Variants in ASXL3 observed in about 807,000 individuals in gnomAD.
ASXL3 encodes the protein putative Polycomb group protein ASXL3.
Under a neutral mutation model 170.6 loss-of-function variants are expected in ASXL3, and 34 were observed. That is an observed-to-expected ratio of 0.20 (90% confidence interval 0.15 to 0.27). The LOEUF is 0.27. Ranked by LOEUF, ASXL3 falls within the 10% of genes least tolerant of loss-of-function variation. The pLI, the probability that ASXL3 is intolerant of heterozygous loss-of-function variation, is 1.00. For synonymous variants in ASXL3, 1,002 were observed against 989.1 expected, an observed-to-expected ratio of 1.01 and a Z score of -0.24; for missense variants, 2,592 against 2,695.3, an observed-to-expected ratio of 0.96 and a Z score of 0.85.
chr18:33,736,168 A>G (rs1025413130), intron 10 of ASXL3, among the ~76,000 whole-genome samples: 8 of 152,122 alleles, frequency 5.3e-5, no homozygotes, highest in Non-Finnish European at 1.2e-4. Flanking sequence ...AATCCTTCTC[A>G]GAAAAATTCA....
intron 2 of ASXL3, chr18:33,614,520 CA>C (rs932595232): frequency 2.6e-5 from 4 of 152,104 alleles, no homozygotes; most frequent in African/African-American, 9.7e-5. Flanking sequence ...CTATTGTGAC[CA>C]ACTCCTGTGA....
At position 33,603,878 on chromosome 18, in the gene ASXL3, A is replaced by G. The variant is rs189763811; in HGVS notation, c.55-3716A>G. On this transcript the variant is annotated intron_variant, in intron 1 of 11. Transcript: ENST00000269197. ...AGAAAGAAAGGACATTTTATGTAAAAATTGAGCACTGTTTCAGAATCTGAT... is the reference window on the plus strand; with the variant it reads ...AGAAAGAAAGGACATTTTATGTAAAGATTGAGCACTGTTTCAGAATCTGAT... Among the ~76,000 whole-genome samples, 7 of 152,226 alleles carry G rather than the reference A, an allele frequency of 4.6e-5. No individual in the cohort carries two copies. The East Asian group carries it at 1.4e-3, about 29-fold the overall frequency.
chr18:33,611,330 A>G (rs981008446), intron 2 of ASXL3, among the ~76,000 whole-genome samples: 3 of 152,056 alleles, frequency 2.0e-5, no homozygotes, highest in African/African-American at 7.2e-5. Flanking sequence ...AAAATAATAG[A>G]ATGATTTTTT....
intron 8 of ASXL3, among the ~76,000 whole-genome samples, chr18:33,728,252 A>T (rs1179258186): frequency 2.0e-5 from 3 of 152,158 alleles, no homozygotes; most frequent in Admixed American, 2.0e-4. Flanking sequence ...TTATAAGACA[A>T]AATCTAAGTC....
Position 33,670,735 on chromosome 18 carries a change from T to C in ASXL3, c.540T>C (p.Pro180=), listed in dbSNP as rs1331632252. 2.6e-6 allele frequency: 4 copies of C among 1,567,598 alleles called. No homozygotes were observed. In the African/African-American group the frequency reaches 5.4e-5, roughly 21 times the overall value. The change falls in exon 6 of 12, where the codon CCT becomes CCC. Residue 180 remains proline (P), a synonymous_variant. Coordinates refer to ENST00000269197, the MANE Select transcript of ASXL3 (RefSeq NM_030632.3). ...CAATGATGGTAAACAAGACTGTTCC[T>C]CGTGTTGTTTTGACACCATTAAAGG... is the stretch of plus-strand genomic sequence containing the variant. ...GVSMMVNKTV[P]RVVLTPLKVS... is the part of the protein sequence containing the mutation.
Position 33,664,007 on chromosome 18 carries a change from A to G in ASXL3, c.477+2270A>G, listed in dbSNP as rs1392260216. Among the ~76,000 whole-genome samples, 4 of 152,274 alleles carry G rather than the reference A, an allele frequency of 2.6e-5. No homozygotes were observed. In the East Asian group the frequency reaches 5.8e-4, roughly 22 times the overall value. ...GTTTCTTGTGTATGTATACATGCAC[A>G]ATCATAATCATATGAACCTAGGGCC... On this transcript the variant is annotated intron_variant, in intron 5 of 11. Coordinates refer to ENST00000269197, the MANE Select transcript of ASXL3 (RefSeq NM_030632.3).
intron 8 of ASXL3, among the ~76,000 whole-genome samples, chr18:33,687,379 A>T (rs2066613749): frequency 6.6e-6 from 1 of 152,192 alleles, no homozygotes; most frequent in South Asian, 2.1e-4. Context: ...TGTGAATTTG[A>T]TTACATAGAT....
Position 33,638,181 on chromosome 18 carries a change from T to A in ASXL3, c.138-6713T>A, listed in dbSNP as rs535610184. Among the ~76,000 whole-genome samples the A allele has an allele frequency of 5.3e-3, 797 of 150,058 alleles. 8 individuals carry two copies. The highest frequency in any genetic ancestry group is 0.018 in the African/African-American group (754 of 41,092). On this transcript the variant is annotated intron_variant, in intron 2 of 11. Transcript: ENST00000269197. ...ACATAGTGTGTGTATATATATATCT[T>A]ATGTGTATATATATCTTATTTATGA...
intron 5 of ASXL3, among the ~76,000 whole-genome samples, 198 bp downstream of exon 5, chr18:33,661,935 T>C (rs1206332429): frequency 1.3e-5 from 2 of 152,040 alleles, no homozygotes; most frequent in East Asian, 3.9e-4. Flanking sequence ...AGAACTTTGA[T>C]GTAAAATAGA....
chr18:33,668,732 A>G (rs561906985), intron 5 of ASXL3, among the ~76,000 whole-genome samples: 19 of 152,256 alleles, frequency 1.2e-4, no homozygotes, highest in Non-Finnish European at 2.4e-4. Flanking sequence ...TTTCTATAGC[A>G]GAGTCCTCTC....
intron 2 of ASXL3, among the ~76,000 whole-genome samples, chr18:33,621,136 TGTTTTAGATCATATA>T (rs1229529519): frequency 1.3e-5 from 2 of 152,198 alleles, no homozygotes; most frequent in Non-Finnish European, 2.9e-5. Context: ...CTGGTAAGGA[TGTTTTAGATCATATA>T]GTTTTAGACT....
chr18:33,731,909 AT>A, intron 8 of ASXL3, 58 bp from the exon 9 acceptor site: 1 of 1,441,658 alleles, frequency 6.9e-7, no homozygotes, highest in South Asian at 1.2e-5. Flanking sequence ...TCTTTCCTGC[AT>A]ACTTTTGCTT....
chr18:33,581,255 A>G (rs766549350), intron 1 of ASXL3, among the ~76,000 whole-genome samples: 8 of 152,092 alleles, frequency 5.3e-5, no homozygotes, highest in Non-Finnish European at 1.0e-4. Flanking sequence ...GCTTCTGATG[A>G]TTTTGCTGTT....
intron 8 of ASXL3, among the ~76,000 whole-genome samples, chr18:33,719,637 TAGTG>T (rs936646459): frequency 1.8e-4 from 27 of 152,048 alleles, no homozygotes; most frequent in Non-Finnish European, 2.1e-4. Flanking sequence ...CTAACTCCCA[TAGTG>T]ATGTTACTAG....
intron 4 of ASXL3, among the ~76,000 whole-genome samples, chr18:33,656,853 A>G (rs1173912691): frequency 1.3e-5 from 2 of 152,156 alleles, no homozygotes; most frequent in African/African-American, 4.8e-5. Flanking sequence ...TTCATAAAAA[A>G]TAGCTTTGCT....
At position 33,706,729 on chromosome 18, in the gene ASXL3, G is replaced by A. The variant is rs369009627; in HGVS notation, c.879+23161G>A. Among the ~76,000 whole-genome samples, 490 of 151,704 alleles carry A rather than the reference G, an allele frequency of 3.2e-3. 4 individuals carry two copies. The highest frequency in any genetic ancestry group is 0.011 in the African/African-American group (455 of 41,478). On this transcript the variant is annotated intron_variant, in intron 8 of 11. Transcript: ENST00000269197. ...CAGATCTTATAAATTCAGAGTATAA[G>A]TCCTTTGTCAAATATATTGTTGGTA... is the stretch of plus-strand genomic sequence containing the variant.
chr18:33,635,952 G>T (rs2145181977), intron 2 of ASXL3, among the ~76,000 whole-genome samples: 2 of 152,310 alleles, frequency 1.3e-5, no homozygotes, highest in South Asian at 4.1e-4. Flanking sequence ...AAATAAATAT[G>T]TCTATCTCCT....
At chr18:33,635,749 C>T (rs1236661835) in intron 2 of ASXL3, among the ~76,000 whole-genome samples, 4 of 152,196 alleles carry the variant, frequency 2.6e-5, no homozygotes, top group African/African-American at 9.7e-5. Flanking sequence ...AAGATGGCCA[C>T]TGCAGCCTTT....
At position 33,751,004 on chromosome 18, in the gene ASXL3, CTGTT is replaced by C. The variant is rs1396167719; in HGVS notation, c.*4415_*4418del. ...AGGGATCATGCATTCTTTAATGGTG[CTGTT>C]TGTTTTTTATTTCTTTTCTACAAAG... On this transcript the variant is annotated 3_prime_UTR_variant, in exon 12 of 12. Transcript: ENST00000269197. 1 of 151,254 alleles carries C rather than the reference CTGTT, an allele frequency of 6.6e-6. No individual in the cohort carries two copies. The highest frequency in any genetic ancestry group is 2.4e-5 in the African/African-American group (1 of 40,830). 9.4% of individuals were successfully genotyped at this position (151,254 alleles called of 1,614,324 possible).
Sources: allele counts gnomAD v4.1 joint callset (sites outside exome capture counted in the v4.1 genomes callset), GRCh38; gene constraint gnomAD v4.1.1; transcripts MANE v1.5; gene names NCBI Gene and HGNC (gene_info 2026-07-23, HGNC 2026-07-21).